The following CBLN2 variants were observed in gnomAD, a reference collection of about 807,000 sequenced individuals.
The protein encoded by CBLN2 is cerebellin-2.
Under a neutral mutation model 15.0 loss-of-function variants are expected in CBLN2, and 7 were observed. That is an observed-to-expected ratio of 0.47 (90% CI 0.27 to 0.88). The LOEUF (loss-of-function observed/expected upper bound fraction) is 0.88. Among genes scored for constraint, CBLN2 ranks in the 40% least tolerant of loss-of-function variants. The pLI, the probability that CBLN2 is intolerant of heterozygous loss-of-function variation, is 0.14. For missense variants in CBLN2, 242 were observed against 304.5 expected (o/e 0.79, Z 1.53); for synonymous variants, 149 against 135.2 (o/e 1.10, Z -0.71).
At chr18:72,614,525 A>G (rs972693886) in intron 1 of CBLN2, among the ~76,000 whole-genome samples, 1 of 152,116 alleles carries the variant, frequency 6.6e-6, no homozygotes. Context: ...GATTTATTCC[A>G]TTGGATTTGG....
intron 1 of CBLN2, chr18:72,630,943 A>G (rs747206957): frequency 3.3e-5 from 5 of 152,194 alleles, no homozygotes; most frequent in Non-Finnish European, 5.9e-5. Flanking sequence ...ACTGAAGTGT[A>G]AGAGCCGTTA....
At chr18:72,595,315 T>G (rs1253293460) in intron 1 of CBLN2, among the ~76,000 whole-genome samples, 1 of 150,348 alleles carries the variant, frequency 6.7e-6, no homozygotes, top group African/African-American at 2.4e-5. Flanking sequence ...TATTCTTTAA[T>G]TTTTGTGTGT....
chr18:72,544,260 T>G lies in CBLN2; in HGVS notation c.-495A>C, dbSNP rs371429964. 1 of 150,630 alleles carries G rather than the reference T, an allele frequency of 6.6e-6. No homozygotes were observed. The highest frequency in any genetic ancestry group is 1.5e-5 in the Non-Finnish European group (1 of 67,750). 9.3% of individuals were successfully genotyped at this position (150,630 alleles called of 1,614,324 possible). ...AGGAGCTGTGGTTCCAGAGTCCCAG[T>G]TGGGGAACTGTCCGGTTCCCGCAGG... On this transcript the variant is annotated 5_prime_UTR_variant, in exon 1 of 5. Coordinates refer to ENST00000269503, the MANE Select transcript of CBLN2 (RefSeq NM_182511.4).
intron 3 of CBLN2, 69 bp downstream of exon 3, chr18:72,541,735 C>T (rs1447236224): frequency 1.5e-6 from 2 of 1,334,294 alleles, no homozygotes; most frequent in East Asian, 5.2e-5. Context: ...GCCTGAACCC[C>T]AGCCCGCGCG....
At chr18:72,559,475 T>C (rs1598998263) in intron 1 of CBLN2, among the ~76,000 whole-genome samples, 2 of 152,346 alleles carry the variant, frequency 1.3e-5, no homozygotes, top group African/African-American at 2.4e-5. Context: ...GGTGAGTTTA[T>C]GGCTTGCTTT....
At chr18:72,628,127 T>G (rs2069752302) in intron 1 of CBLN2, among the ~76,000 whole-genome samples, 1 of 152,210 alleles carries the variant, frequency 6.6e-6, no homozygotes, top group Non-Finnish European at 1.5e-5. Flanking sequence ...TCTCATCACA[T>G]TGGTCCTGCC....
intron 1 of CBLN2, among the ~76,000 whole-genome samples, chr18:72,576,772 A>G (rs1326968958): frequency 6.6e-6 from 1 of 151,490 alleles, no homozygotes; most frequent in Non-Finnish European, 1.5e-5. Context: ...ACATTTTAAG[A>G]GTTTTAACAA....
chr18:72,554,238 A>G (rs1379780823), intron 1 of CBLN2, among the ~76,000 whole-genome samples: 1 of 152,116 alleles, frequency 6.6e-6, no homozygotes, highest in Non-Finnish European at 1.5e-5. Flanking sequence ...ATGTATTATA[A>G]AAGTTGTAAT....
chr18:72,627,186 A>C (rs970863709), intron 1 of CBLN2, among the ~76,000 whole-genome samples: 4 of 152,224 alleles, frequency 2.6e-5, no homozygotes, highest in Admixed American at 6.5e-5. Flanking sequence ...TAATAGACAC[A>C]AACTAAAATT....
Position 72,542,137 on chromosome 18 carries a change from T to C in CBLN2, c.24A>G (p.Pro8=), listed in dbSNP as rs2069119189. 2 of 1,344,318 alleles carry C rather than the reference T, an allele frequency of 1.5e-6. No homozygotes were observed. Among genetic ancestry groups the C allele is most frequent in the Non-Finnish European group, 1.9e-6 (2 of 1,057,088 alleles). 83.3% of individuals were successfully genotyped at this position (1,344,318 alleles called of 1,614,324 possible). A position where few individuals can be genotyped will look rare whatever the true frequency, so the allele number is the denominator to read the frequency against. Residue 8 remains proline, a synonymous_variant, in exon 3 of 5, where the codon CCA becomes CCG. Transcript: ENST00000269503. The part of the protein sequence containing the change: MQAPGRG[P]LGLRLMMPGR... Reference sequence around the variant, plus strand: ...CGGGCATCATCAGCCGCAGCCCGAGTGGCCCCCGGCCGGGCGCCTGCATCG... The same window carrying C: ...CGGGCATCATCAGCCGCAGCCCGAGCGGCCCCCGGCCGGGCGCCTGCATCG...
At chr18:72,538,507 G>A in intron 4 of CBLN2, 134 bp from the exon 5 acceptor site, 1 of 1,411,920 alleles carries the variant, frequency 7.1e-7, no homozygotes, top group Non-Finnish European at 9.9e-7. Context: ...CTGACAGTGA[G>A]CACTCCCAGC....
chr18:72,590,615 GA>G (rs2069474449), intron 1 of CBLN2, among the ~76,000 whole-genome samples: 1 of 152,116 alleles, frequency 6.6e-6, no homozygotes, highest in Non-Finnish European at 1.5e-5. Context: ...AATATGACTA[GA>G]ATTATGTCAC....
intron 1 of CBLN2, among the ~76,000 whole-genome samples, chr18:72,553,555 G>A (rs2069205088): frequency 6.6e-6 from 1 of 152,106 alleles, no homozygotes; most frequent in Admixed American, 6.5e-5. Flanking sequence ...CATATTTTTG[G>A]TTAGGTTACT....
At chr18:72,615,147 TAA>T (rs1568132453) in intron 1 of CBLN2, among the ~76,000 whole-genome samples, 2 of 133,280 alleles carry the variant, frequency 1.5e-5, no homozygotes, top group Non-Finnish European at 3.2e-5. Flanking sequence ...TAAATAAATA[TAA>T]ATATAGAAAA....
intron 1 of CBLN2, among the ~76,000 whole-genome samples, chr18:72,551,192 A>C (rs1026731954): frequency 1.3e-5 from 2 of 152,150 alleles, no homozygotes; most frequent in Non-Finnish European, 1.5e-5. Context: ...TGTTTCTACC[A>C]TGTATCTTCA....
chr18:72,553,509 C>A lies in CBLN2; in HGVS notation c.16-14737G>T, dbSNP rs568474627. On this transcript the variant is annotated intron_variant, in intron 1 of 2. Transcript: ENST00000581073. ...ATAGATAGATAGATAGATATGAAAA[C>A]AGATTATACGTGTACATATATATTA... is the stretch of plus-strand genomic sequence containing the variant. 9.5e-5 allele frequency among the ~76,000 whole-genome samples: 14 copies of A among 148,106 alleles called. 1 individual carries two copies. In the South Asian group the frequency reaches 1.1e-3, roughly 12 times the overall value.
Position 72,559,502 on chromosome 18 carries a change from A to T in CBLN2, c.16-20730T>A, listed in dbSNP as rs558230811. Among the ~76,000 whole-genome samples, 3 of 152,362 alleles carry T rather than the reference A, an allele frequency of 2.0e-5. No homozygotes were observed. In the South Asian group the frequency reaches 6.2e-4, roughly 32 times the overall value. On this transcript the variant is annotated intron_variant, in intron 1 of 2. Coordinates refer to the CBLN2 transcript ENST00000581073. The stretch of plus-strand genomic sequence containing the variant: ...GCTTGCTTTCATTTTCATAGAAAGG[A>T]TAACTTATTATCAAATATTTATATT...
At chr18:72,609,737 G>T (rs2069608407) in intron 1 of CBLN2, among the ~76,000 whole-genome samples, 1 of 152,168 alleles carries the variant, frequency 6.6e-6, no homozygotes, top group African/African-American at 2.4e-5. Context: ...AGTTGGATGG[G>T]ACGAGTAAGC....
chr18:72,615,174 T>A (rs957919592), intron 1 of CBLN2, among the ~76,000 whole-genome samples: 13 of 133,076 alleles, frequency 9.8e-5, no homozygotes, highest in Non-Finnish European at 1.6e-4. Context: ...TATAAATATA[T>A]ATTTATATAT....
Sources: gnomAD v4.1 joint callset for allele counts (sites outside exome capture counted in the v4.1 genomes callset) on GRCh38, gnomAD v4.1.1 for gene constraint, MANE v1.5 for transcripts, NCBI Gene and HGNC (gene_info 2026-07-23, HGNC 2026-07-21) for gene names.